The following EVL variants were observed in gnomAD, a reference collection of about 807,000 sequenced individuals.
EVL encodes the protein ena/VASP-like protein.
In EVL, 21 loss-of-function variants were observed where a neutral mutation model predicts 59.6. The ratio of observed to expected loss-of-function variants is 0.35; its 90% CI spans 0.25 to 0.51. The LOEUF is 0.51. Ranked by LOEUF, EVL falls within the 20% of genes least tolerant of loss-of-function variation. The probability of loss-of-function intolerance (pLI) is 0.97; values close to 1 mark genes in which losing one functional copy is unlikely to be tolerated. For missense variants in EVL, 462 were observed against 546.6 expected, an observed-to-expected ratio of 0.85 and a Z score of 1.54; for synonymous variants, 198 against 203.5, an observed-to-expected ratio of 0.97 and a Z score of 0.23.
At position 100,022,274 on chromosome 14, in the gene EVL, G is replaced by C. The variant is rs988999626; in HGVS notation, c.5+50217G>C. ...AGCAGAAGGAAGGGCCACATTCTTGGTTTGTTTTTTTTTTTTTTTTGGAGA... is the reference window on the plus strand; with the variant it reads ...AGCAGAAGGAAGGGCCACATTCTTGCTTTGTTTTTTTTTTTTTTTTGGAGA... On this transcript the variant is annotated intron_variant, in intron 1 of 13. Coordinates refer to the EVL transcript ENST00000402714. Among the ~76,000 whole-genome samples, 3 of 145,942 alleles carry C rather than the reference G, an allele frequency of 2.1e-5. No homozygotes were observed. In the Admixed American group the frequency reaches 2.1e-4, roughly 10 times the overall value.
At chr14:100,125,390 A>G (rs1888008766) in intron 4 of EVL, among the ~76,000 whole-genome samples, 1 of 152,154 alleles carries the variant, frequency 6.6e-6, no homozygotes, top group Non-Finnish European at 1.5e-5. Context: ...TCCAAACAGT[A>G]CCATAGGTTC....
At chr14:100,044,629 AG>A (rs202004347) in intron 1 of EVL, among the ~76,000 whole-genome samples, 1,747 of 152,358 alleles carry the variant, frequency 0.011, 39 homozygotes, top group Admixed American at 0.039. Context: ...GGAGTGCCAC[AG>A]GCAGACCTGG....
Position 100,084,812 on chromosome 14 carries a change from G to A in EVL, c.137G>A (p.Ser46Asn). The A allele has an allele frequency of 6.2e-7, 1 of 1,614,176 alleles. No individual in the cohort carries two copies. Among genetic ancestry groups the A allele is most frequent in the Non-Finnish European group, 8.5e-7 (1 of 1,180,038 alleles). Residue 46 changes from serine to asparagine, a missense_variant, in exon 2 of 14, where the codon AGC becomes AAC. Physicochemically the swap from Ser to Asn is conservative, Grantham distance 46. Transcript: ENST00000392920. ...ATCAACATCTACCACAACACTGCCA[G>A]CAACACCTTCAGAGTCGTTGGAGTC... ...SRINIYHNTA[S>N]NTFRVVGVKL...
intron 1 of EVL, among the ~76,000 whole-genome samples, chr14:100,067,576 C>T (rs2061959083): frequency 6.6e-6 from 1 of 152,214 alleles, no homozygotes; most frequent in Non-Finnish European, 1.5e-5. Flanking sequence ...CCTGCCTCAG[C>T]GGGACTACAG....
chr14:99,998,210 T>C (rs2140182928), intron 1 of EVL, among the ~76,000 whole-genome samples: 1 of 152,108 alleles, frequency 6.6e-6, no homozygotes, highest in Non-Finnish European at 1.5e-5. Context: ...TGTAGAACCA[T>C]GGACTTACTG....
At chr14:100,063,794 T>A (rs2061879088), upstream of EVL, among the ~76,000 whole-genome samples, 1 of 152,162 alleles carries the variant, frequency 6.6e-6, no homozygotes, top group Non-Finnish European at 1.5e-5. Flanking sequence ...TCCGCCAAGG[T>A]AGACTGCATG....
At chr14:100,040,198 C>A (rs561008306) in intron 1 of EVL, among the ~76,000 whole-genome samples, 51 of 152,356 alleles carry the variant, frequency 3.3e-4, no homozygotes, top group Admixed American at 2.7e-3. Flanking sequence ...GCTGCCCTTA[C>A]TACAGATTTT....
intron 1 of EVL, among the ~76,000 whole-genome samples, chr14:100,056,851 A>G (rs570806729): frequency 2.0e-4 from 31 of 152,200 alleles, no homozygotes; most frequent in Non-Finnish European, 4.1e-4. Flanking sequence ...TAGCTTAACA[A>G]AGATTCTGAA....
chr14:100,120,779 G>A (rs755896398), intron 3 of EVL, among the ~76,000 whole-genome samples: 2 of 152,098 alleles, frequency 1.3e-5, no homozygotes, highest in Non-Finnish European at 2.9e-5. Flanking sequence ...CCAACCCTGT[G>A]CAGGTCATGT....
At chr14:100,101,149 CA>C (rs1886193092) in intron 3 of EVL, among the ~76,000 whole-genome samples, 2 of 152,208 alleles carry the variant, frequency 1.3e-5, no homozygotes, top group South Asian at 2.1e-4. Flanking sequence ...CACCTGAGGT[CA>C]AGAGTTCGAG....
intron 7 of EVL, 109 bp from the exon 8 acceptor site, chr14:100,132,610 A>C: frequency 8.1e-7 from 1 of 1,236,692 alleles, no homozygotes; most frequent in Non-Finnish European, 1.2e-6. Flanking sequence ...TTTCCCACAC[A>C]GGTTTATCTG....
At chr14:100,100,849 C>T (rs1886170168) in intron 3 of EVL, among the ~76,000 whole-genome samples, 1 of 150,252 alleles carries the variant, frequency 6.7e-6, no homozygotes, top group Middle Eastern at 3.2e-3. Flanking sequence ...GGCTAAGGTA[C>T]TCTGCCGAGG....
intron 1 of EVL, chr14:100,066,552 G>A (rs955659208): frequency 6.6e-6 from 1 of 152,168 alleles, no homozygotes; most frequent in Admixed American, 6.6e-5. Flanking sequence ...TTTCCAGTTG[G>A]CTTTATTTCT....
intron 7 of EVL, 141 bp from the exon 8 acceptor site, chr14:100,132,578 G>T: frequency 2.1e-6 from 2 of 934,798 alleles, no homozygotes; most frequent in Non-Finnish European, 1.7e-6. Context: ...GCCTAGACAA[G>T]CCGCCTCCTT....
At chr14:100,136,703 G>A (rs1212346939) in intron 9 of EVL, among the ~76,000 whole-genome samples, 1 of 152,134 alleles carries the variant, frequency 6.6e-6, no homozygotes, top group Non-Finnish European at 1.5e-5. Flanking sequence ...GAAACTGCAC[G>A]CCATGTCCTC....
intron 2 of EVL, among the ~76,000 whole-genome samples, chr14:100,086,453 G>A (rs1019641069): frequency 2.6e-5 from 4 of 152,246 alleles, no homozygotes; most frequent in African/African-American, 9.6e-5. Context: ...CTGAATCATA[G>A]TAGGTGTTCC....
chr14:100,006,401 C>G (rs1246732896), intron 1 of EVL, among the ~76,000 whole-genome samples: 2 of 151,386 alleles, frequency 1.3e-5, no homozygotes, highest in Non-Finnish European at 2.9e-5. Flanking sequence ...TCTCCTGCGT[C>G]AGCTTCCCAA....
At chr14:100,137,337 A>G in intron 9 of EVL, 1 of 564,212 alleles carries the variant, frequency 1.8e-6, no homozygotes, top group Non-Finnish European at 3.2e-6. Flanking sequence ...CTCACATTCC[A>G]GAGAGACCTG....
At chr14:100,112,055 A>G (rs2140347675) in intron 3 of EVL, among the ~76,000 whole-genome samples, 1 of 152,370 alleles carries the variant, frequency 6.6e-6, no homozygotes, top group African/African-American at 2.4e-5. Context: ...GAATTCATTC[A>G]CAGCTGTTTT....
Sources: allele counts gnomAD v4.1 joint callset (sites outside exome capture counted in the v4.1 genomes callset), GRCh38; gene constraint gnomAD v4.1.1; transcripts MANE v1.5; gene names NCBI Gene and HGNC (gene_info 2026-07-23, HGNC 2026-07-21).